NRBF2: variants seen among roughly 807,000 people sequenced by gnomAD.
NRBF2 encodes nuclear receptor binding factor 2.
In NRBF2, 12 loss-of-function variants were observed where a neutral mutation model predicts 28.5. The ratio of observed to expected loss-of-function variants is 0.42; its 90% CI spans 0.27 to 0.68. The LOEUF is 0.68. Ranked by LOEUF, NRBF2 falls within the 30% of genes least tolerant of loss-of-function variation. The probability of loss-of-function intolerance (pLI) is 0.24; values close to 1 mark genes in which losing one functional copy is unlikely to be tolerated. For missense variants in NRBF2, 274 were observed against 333.5 expected, an observed-to-expected ratio of 0.82 and a Z score of 1.39; for synonymous variants, 102 against 116.5, an observed-to-expected ratio of 0.88 and a Z score of 0.80.
chr10:63,142,244 C>A (rs1051595706), intron 1 of NRBF2, among the ~76,000 whole-genome samples: 1 of 151,886 alleles, frequency 6.6e-6, no homozygotes, highest in Non-Finnish European at 1.5e-5. Flanking sequence ...TTGGCTTTAC[C>A]TGGGTGGAAT....
At chr10:63,137,181 C>A (rs1372976761) in intron 1 of NRBF2, among the ~76,000 whole-genome samples, 6 of 152,156 alleles carry the variant, frequency 3.9e-5, no homozygotes, top group Non-Finnish European at 1.5e-5. Context: ...TGCTGTGTTG[C>A]CCAAGCTGGT....
At chr10:63,149,798 A>G (rs1199673768) in intron 2 of NRBF2, among the ~76,000 whole-genome samples, 2 of 152,230 alleles carry the variant, frequency 1.3e-5, no homozygotes, top group South Asian at 2.1e-4. Context: ...TGTGAAAACT[A>G]TTGTTTGTTA....
rs180982791 is a variant in NRBF2 at position 63,133,357 on chromosome 10, G to C, written c.-114G>C. The C allele has an allele frequency of 7.4e-5, 93 of 1,248,590 alleles. No homozygotes were observed. The highest frequency in any genetic ancestry group is 1.0e-4 in the Non-Finnish European group (88 of 875,448). 77.3% of individuals were successfully genotyped at this position (1,248,590 alleles called of 1,614,324 possible). ...CTTCAGCGCCTATCGCTGGCTCTTG[G>C]GGCGCAGAGAGGGGCCGCAGTCTCC... On this transcript the variant is annotated 5_prime_UTR_variant, in exon 1 of 4. Coordinates refer to ENST00000277746, the MANE Select transcript of NRBF2 (RefSeq NM_030759.5).
chr10:63,142,780 C>CTTTTTT (rs781293012), intron 1 of NRBF2, among the ~76,000 whole-genome samples: 32,342 of 74,104 alleles, frequency 0.44, 8,099 homozygotes, highest in Non-Finnish European at 0.52. Flanking sequence ...TTCTTTCTTT[C>CTTTTTT]TTTTTTTTTT....
intron 2 of NRBF2, 88 bp downstream of exon 2, chr10:63,146,381 C>CT: frequency 1.2e-6 from 1 of 828,948 alleles, no homozygotes; most frequent in Non-Finnish European, 1.9e-6. Flanking sequence ...ATATGCAAGA[C>CT]TGATACTGCT....
intron 1 of NRBF2, among the ~76,000 whole-genome samples, chr10:63,141,825 G>A (rs944091750): frequency 6.6e-6 from 1 of 152,206 alleles, no homozygotes; most frequent in African/African-American, 2.4e-5. Flanking sequence ...AGTAGGAAAT[G>A]TACTTAAAAT....
chr10:63,151,578 C>T (rs903655446), intron 2 of NRBF2, among the ~76,000 whole-genome samples: 1 of 152,142 alleles, frequency 6.6e-6, no homozygotes, highest in Non-Finnish European at 1.5e-5. Context: ...AACAAATAGT[C>T]ACCGAGGATC....
At chr10:63,140,915 G>T (rs1324861737) in intron 1 of NRBF2, among the ~76,000 whole-genome samples, 3 of 152,032 alleles carry the variant, frequency 2.0e-5, no homozygotes, top group Non-Finnish European at 1.5e-5. Flanking sequence ...TGGCCAGGCT[G>T]GTCTCAAACT....
intron 2 of NRBF2, among the ~76,000 whole-genome samples, chr10:63,146,789 T>G (rs1841568302): frequency 6.6e-6 from 1 of 152,320 alleles, no homozygotes; most frequent in East Asian, 1.9e-4. Flanking sequence ...CTTCTGAATA[T>G]CTCATCTCTA....
At chr10:63,135,518 TA>T (rs926635147) in intron 1 of NRBF2, among the ~76,000 whole-genome samples, 10 of 152,124 alleles carry the variant, frequency 6.6e-5, no homozygotes, top group African/African-American at 2.4e-4. Flanking sequence ...ATGGTGGCAA[TA>T]CCATTTAAAT....
chr10:63,133,381 C>T lies in NRBF2; in HGVS notation c.-90C>T, dbSNP rs1564527467. ...GGGGCGCAGAGAGGGGCCGCAGTCT[C>T]CGCGGCTGCGTCGAGCTCCCTTGCA... On this transcript the variant is annotated 5_prime_UTR_variant, in exon 1 of 4. Coordinates refer to ENST00000277746, the MANE Select transcript of NRBF2 (RefSeq NM_030759.5). 2.7e-6 allele frequency: 4 copies of T among 1,504,282 alleles called. No individual in the cohort carries two copies. Among genetic ancestry groups the T allele is most frequent in the Middle Eastern group, 1.8e-4 (1 of 5,602 alleles). 93.2% of individuals were successfully genotyped at this position (1,504,282 alleles called of 1,614,324 possible).
intron 1 of NRBF2, among the ~76,000 whole-genome samples, chr10:63,134,043 A>C (rs1564527698): frequency 7.4e-6 from 1 of 134,766 alleles, no homozygotes. Context: ...TTTCTCACAT[A>C]CATTCACATG....
At chr10:63,142,623 TTCA>T (rs1225763386) in intron 1 of NRBF2, among the ~76,000 whole-genome samples, 3 of 152,138 alleles carry the variant, frequency 2.0e-5, no homozygotes, top group Admixed American at 6.6e-5. Flanking sequence ...ACTAGCTTTC[TTCA>T]TCATGTACAT....
intron 2 of NRBF2, among the ~76,000 whole-genome samples, chr10:63,151,633 A>G (rs1414316843): frequency 6.6e-6 from 1 of 152,230 alleles, no homozygotes; most frequent in Non-Finnish European, 1.5e-5. Context: ...AAATGACATT[A>G]TACTGTCCTC....
At chr10:63,138,270 G>A (rs1352954267) in intron 1 of NRBF2, among the ~76,000 whole-genome samples, 3 of 151,638 alleles carry the variant, frequency 2.0e-5, no homozygotes, top group African/African-American at 4.8e-5. Context: ...CCAAGGTCAC[G>A]CCCTTGCACT....
chr10:63,138,562 G>A (rs1233147523), intron 1 of NRBF2, among the ~76,000 whole-genome samples: 2 of 151,320 alleles, frequency 1.3e-5, no homozygotes, highest in African/African-American at 2.4e-5. Flanking sequence ...AGCTAACACG[G>A]TGAAACCCCG....
chr10:63,140,307 A>G (rs1017420909), intron 1 of NRBF2, among the ~76,000 whole-genome samples: 6 of 152,248 alleles, frequency 3.9e-5, no homozygotes, highest in Non-Finnish European at 8.8e-5. Context: ...GCAATTAAAA[A>G]AGAATGTGGG....
intron 3 of NRBF2, 86 bp from the exon 4 acceptor site, chr10:63,153,425 C>A: frequency 9.6e-7 from 1 of 1,036,872 alleles, no homozygotes; most frequent in Non-Finnish European, 1.4e-6. Flanking sequence ...TTGGGTTATT[C>A]ACAAAGGATT....
chr10:63,137,070 A>T (rs1055184315), intron 1 of NRBF2, among the ~76,000 whole-genome samples: 1 of 152,208 alleles, frequency 6.6e-6, no homozygotes, highest in African/African-American at 2.4e-5. Flanking sequence ...CCCACACTCA[A>T]GGGATCCTCC....
Sources: allele counts gnomAD v4.1 joint callset (sites outside exome capture counted in the v4.1 genomes callset), GRCh38; gene constraint gnomAD v4.1.1; transcripts MANE v1.5; gene names NCBI Gene and HGNC (gene_info 2026-07-23, HGNC 2026-07-21).